The following BRINP3 variants were observed in gnomAD, a reference collection of about 807,000 sequenced individuals.
BRINP3 encodes BMP/retinoic acid inducible neural specific 3.
BRINP3 carries 19 observed loss-of-function variants against 71.0 expected under a neutral mutation model. The observed-to-expected ratio is 0.27, with a 90% CI of 0.19 to 0.39. BRINP3 has a LOEUF of 0.39. BRINP3 is among the 10% of genes least tolerant of loss of function. The pLI is 1.00. For missense variants in BRINP3, 959 were observed against 940.8 expected (o/e 1.02, Z -0.25); for synonymous variants, 380 against 337.7 (o/e 1.13, Z -1.37).
intron 2 of BRINP3, among the ~76,000 whole-genome samples, chr1:190,378,443 T>C (rs987381804): frequency 2.0e-5 from 3 of 152,176 alleles, no homozygotes; most frequent in African/African-American, 7.2e-5. Context: ...CTATAAAGAC[T>C]TTTGCCCTGG....
chr1:190,386,930 T>G (rs1168326393), intron 2 of BRINP3, among the ~76,000 whole-genome samples: 1 of 151,982 alleles, frequency 6.6e-6, no homozygotes, highest in Non-Finnish European at 1.5e-5. Flanking sequence ...TGAGAAAAAA[T>G]CAGGACTTAT....
At chr1:190,165,076 T>C (rs1042878810) in intron 6 of BRINP3, among the ~76,000 whole-genome samples, 5 of 151,792 alleles carry the variant, frequency 3.3e-5, no homozygotes, top group African/African-American at 9.7e-5. Flanking sequence ...GATAGAAAAA[T>C]ACATAATATC....
Position 190,111,206 on chromosome 1 carries a change from A to AAAAAAC in BRINP3, c.1185-12073_1185-12072insGTTTTT, listed in dbSNP as rs1311949838. ...TTAAAAAAAAAAAAAAAAAAAAAAA[A>AAAAAAC]AACTTTAGAACTTTAATTGGAACAG... On this transcript the variant is annotated intron_variant, in intron 7 of 7. Transcript: ENST00000367462. 1.3e-4 allele frequency among the ~76,000 whole-genome samples: 18 copies of AAAAAAC among 142,046 alleles called. 3 individuals are homozygous for AAAAAAC. The highest frequency in any genetic ancestry group is 5.2e-4 in the African/African-American group (17 of 32,734). 93.2% of individuals were successfully genotyped at this position (142,046 alleles called of 152,430 possible).
At chr1:190,405,494 C>CAAAAAAAAAAA (rs1672222997) in intron 2 of BRINP3, among the ~76,000 whole-genome samples, 1 of 17,230 alleles carries the variant, frequency 5.8e-5, no homozygotes. Context: ...AAAAAAAAAC[C>CAAAAAAAAAAA]AGAATCAGAA....
intron 2 of BRINP3, among the ~76,000 whole-genome samples, chr1:190,357,482 C>T (rs1387730587): frequency 2.6e-5 from 4 of 151,836 alleles, no homozygotes; most frequent in African/African-American, 9.7e-5. Context: ...CTTTGGTATA[C>T]TGCCGAATCT....
chr1:190,293,760 C>T (rs1664045798), intron 2 of BRINP3, among the ~76,000 whole-genome samples: 1 of 152,120 alleles, frequency 6.6e-6, no homozygotes. Context: ...ATGCTTTTAT[C>T]ATTATACAGT....
intron 7 of BRINP3, among the ~76,000 whole-genome samples, chr1:190,130,180 G>A (rs928708645): frequency 2.0e-5 from 3 of 151,878 alleles, no homozygotes; most frequent in Non-Finnish European, 4.4e-5. Flanking sequence ...AAATCTTTGA[G>A]CTGTTTGACT....
At chr1:190,368,319 A>G (rs1669640270) in intron 2 of BRINP3, among the ~76,000 whole-genome samples, 1 of 152,018 alleles carries the variant, frequency 6.6e-6, no homozygotes, top group South Asian at 2.1e-4. Context: ...ACGACTCACT[A>G]TCACAGGAAT....
At chr1:190,454,198 C>T (rs1305888886) in intron 2 of BRINP3, among the ~76,000 whole-genome samples, 1 of 152,148 alleles carries the variant, frequency 6.6e-6, no homozygotes, top group Non-Finnish European at 1.5e-5. Flanking sequence ...TTTCCTTTAG[C>T]TTCTGAACGT....
chr1:190,444,183 C>T (rs371364231), intron 2 of BRINP3, among the ~76,000 whole-genome samples: 2 of 132,776 alleles, frequency 1.5e-5, no homozygotes, highest in African/African-American at 5.7e-5. Flanking sequence ...TTGCAGTGAC[C>T]GGACGACATT....
chr1:190,308,648 T>TA (rs1052302700), intron 2 of BRINP3, among the ~76,000 whole-genome samples: 1 of 151,274 alleles, frequency 6.6e-6, no homozygotes, highest in South Asian at 2.1e-4. Flanking sequence ...ATAATAATAA[T>TA]AAAAAAAGGA....
intron 1 of BRINP3, among the ~76,000 whole-genome samples, chr1:190,469,055 T>A (rs1200570537): frequency 6.6e-6 from 1 of 151,108 alleles, no homozygotes; most frequent in Non-Finnish European, 1.5e-5. Flanking sequence ...CACAGATTTC[T>A]TCATAATTGT....
rs140266374 is a variant in BRINP3, at chr1:190,323,760, A to G, written c.237-42010T>C. Among the ~76,000 whole-genome samples, 119 of 152,112 alleles carry G rather than the reference A, an allele frequency of 7.8e-4. 1 individual carries two copies. The highest frequency in any genetic ancestry group is 7.0e-3 in the Admixed American group (107 of 15,246). ...CATGAGATAGGTGCACAATTACTGC[A>G]AATGAAAAGCTTTCAGTTACACCAA... On this transcript the variant is annotated intron_variant, in intron 2 of 7. Transcript: ENST00000367462.
At chr1:190,267,135 T>A (rs1021944992) in intron 3 of BRINP3, among the ~76,000 whole-genome samples, 1 of 152,098 alleles carries the variant, frequency 6.6e-6, no homozygotes, top group Non-Finnish European at 1.5e-5. Flanking sequence ...ATATACAACC[T>A]CAAAATAAGG....
chr1:190,269,024 G>T (rs1661884679), intron 3 of BRINP3, among the ~76,000 whole-genome samples: 2 of 152,014 alleles, frequency 1.3e-5, no homozygotes, highest in South Asian at 4.1e-4. Context: ...GACTTAAAAA[G>T]AATAGGCAAG....
intron 2 of BRINP3, among the ~76,000 whole-genome samples, chr1:190,330,667 A>C (rs1379940450): frequency 6.6e-6 from 1 of 152,096 alleles, no homozygotes; most frequent in African/African-American, 2.4e-5. Context: ...TCCACCAAAA[A>C]GACACATGCA....
intron 3 of BRINP3, among the ~76,000 whole-genome samples, chr1:190,273,162 C>A (rs538420084): frequency 6.6e-6 from 1 of 151,136 alleles, no homozygotes; most frequent in East Asian, 1.9e-4. Flanking sequence ...TTTACTGTAA[C>A]TTTTCCACAA....
At chr1:190,286,686 C>A (rs888833119) in intron 2 of BRINP3, among the ~76,000 whole-genome samples, 4 of 151,966 alleles carry the variant, frequency 2.6e-5, no homozygotes, top group Non-Finnish European at 5.9e-5. Flanking sequence ...GTAATTTTAT[C>A]AATAACCATT....
intron 4 of BRINP3, among the ~76,000 whole-genome samples, chr1:190,252,336 G>A (rs1660223642): frequency 6.6e-6 from 1 of 152,016 alleles, no homozygotes; most frequent in Admixed American, 6.6e-5. Flanking sequence ...AGAATATACA[G>A]AATTATTATA....
Sources: allele counts gnomAD v4.1 joint callset (sites outside exome capture counted in the v4.1 genomes callset), GRCh38; gene constraint gnomAD v4.1.1; transcripts MANE v1.5; gene names NCBI Gene and HGNC (gene_info 2026-07-23, HGNC 2026-07-21).